CHODL: variants seen among roughly 807,000 people sequenced by gnomAD.
The protein encoded by CHODL is transmembrane protein MT75.
Under a neutral mutation model 34.5 loss-of-function variants are expected in CHODL, and 29 were observed. That is an observed-to-expected ratio of 0.84 (90% confidence interval 0.63 to 1.15). The LOEUF (loss-of-function observed/expected upper bound fraction) is 1.15, where lower values mean the gene tolerates loss of function less well. Ranked by LOEUF, CHODL falls within the 50% of genes most tolerant of loss-of-function variation. The probability of loss-of-function intolerance (pLI) is 0.00; values close to 1 mark genes in which losing one functional copy is unlikely to be tolerated. For synonymous variants in CHODL, 125 were observed against 116.1 expected, an observed-to-expected ratio of 1.08 and a Z score of -0.49; for missense variants, 332 against 332.5, an observed-to-expected ratio of 1.00 and a Z score of 0.01.
At chr21:18,088,513 G>GCACT (rs1326677296) in intron 2 of CHODL, among the ~76,000 whole-genome samples, 1 of 152,136 alleles carries the variant, frequency 6.6e-6, no homozygotes, top group African/African-American at 2.4e-5. Context: ...CAGACCCAGT[G>GCACT]GGTCAAGGGT....
At chr21:18,265,296 C>T (rs1252918832) in intron 5 of CHODL, among the ~76,000 whole-genome samples, 6 of 140,390 alleles carry the variant, frequency 4.3e-5, no homozygotes, top group African/African-American at 1.7e-4. Flanking sequence ...TATACACACA[C>T]ACACACACAC....
rs1417400641 is a variant in CHODL at position 18,266,529 on chromosome 21, G to T, written c.*491G>T. 1 of 157,722 alleles carries T rather than the reference G, an allele frequency of 6.3e-6. No individual in the cohort carries two copies. Among genetic ancestry groups the T allele is most frequent in the Non-Finnish European group, 1.4e-5 (1 of 72,922 alleles). The allele number at this position is 157,722 out of a possible 1,614,324, so 9.8% of individuals were successfully genotyped here. ...TTCAATACATGCTCTTTTGATTAAA[G>T]AAACTTATTACTGTTGTCAACTGAA... On this transcript the variant is annotated 3_prime_UTR_variant, in exon 6 of 6. Coordinates refer to ENST00000299295, the MANE Select transcript of CHODL (RefSeq NM_024944.3).
intron 1 of CHODL, among the ~76,000 whole-genome samples, chr21:17,934,599 T>A (rs933558626): frequency 1.3e-5 from 2 of 152,176 alleles, no homozygotes; most frequent in Non-Finnish European, 2.9e-5. Context: ...TTATTTTTGC[T>A]TTTCCAACTG....
chr21:18,257,993 C>A (rs1031338790), intron 3 of CHODL, among the ~76,000 whole-genome samples: 1 of 152,106 alleles, frequency 6.6e-6, no homozygotes. Flanking sequence ...CATTTTAACT[C>A]TTCTGAAGAG....
At chr21:17,921,439 G>A (rs1414674923) in intron 1 of CHODL, among the ~76,000 whole-genome samples, 1 of 152,198 alleles carries the variant, frequency 6.6e-6, no homozygotes, top group Admixed American at 6.5e-5. Context: ...CTTATAGGCA[G>A]GGGGTCTAAC....
intron 2 of CHODL, among the ~76,000 whole-genome samples, chr21:18,093,970 A>C (rs970395070): frequency 1.3e-5 from 2 of 152,162 alleles, no homozygotes; most frequent in African/African-American, 4.8e-5. Flanking sequence ...ATCTATGCTT[A>C]CAGGAAACAC....
intron 2 of CHODL, among the ~76,000 whole-genome samples, chr21:18,091,770 GA>G (rs1262883321): frequency 6.6e-6 from 1 of 152,166 alleles, no homozygotes; most frequent in Admixed American, 6.5e-5. Context: ...GCTGATGAAA[GA>G]GCCCTTGGGC....
intron 2 of CHODL, among the ~76,000 whole-genome samples, chr21:18,073,306 C>T (rs2064827768): frequency 1.3e-5 from 2 of 152,052 alleles, no homozygotes; most frequent in East Asian, 1.9e-4. Flanking sequence ...AAATGACATC[C>T]ATAAGGTGAA....
intron 1 of CHODL, among the ~76,000 whole-genome samples, chr21:17,933,377 G>C (rs1344249453): frequency 1.3e-5 from 2 of 152,232 alleles, no homozygotes; most frequent in Non-Finnish European, 2.9e-5. Flanking sequence ...CCTAGGCAGA[G>C]GTCCCTGCGG....
intron 1 of CHODL, among the ~76,000 whole-genome samples, chr21:18,002,933 C>T (rs939665742): frequency 1.3e-5 from 2 of 151,994 alleles, no homozygotes; most frequent in African/African-American, 4.8e-5. Context: ...ACCATCCGGG[C>T]TAACACGGTG....
chr21:17,989,926 G>C (rs1230296744), intron 1 of CHODL, among the ~76,000 whole-genome samples: 1 of 152,106 alleles, frequency 6.6e-6, no homozygotes, highest in East Asian at 1.9e-4. Flanking sequence ...CATAACAAGA[G>C]ACAGAGCTTC....
intron 1 of CHODL, among the ~76,000 whole-genome samples, chr21:17,934,752 A>C (rs1568805250): frequency 6.6e-6 from 1 of 151,984 alleles, no homozygotes; most frequent in African/African-American, 2.4e-5. Flanking sequence ...TAAATATCTT[A>C]TTTTTTATTA....
At chr21:18,095,296 A>T (rs1166303637) in intron 2 of CHODL, among the ~76,000 whole-genome samples, 2 of 152,162 alleles carry the variant, frequency 1.3e-5, no homozygotes, top group African/African-American at 4.8e-5. Context: ...AGATCCAAAT[A>T]TATAAAATCA....
Position 18,266,227 on chromosome 21 carries a change from T to C in CHODL, c.*189T>C. ...TCATTTAAAGAATATGCTGTGCTAA[T>C]AATGGAGTGAGACATGCTTATTTTG... is the stretch of plus-strand genomic sequence containing the variant. On this transcript the variant is annotated 3_prime_UTR_variant, in exon 6 of 6. Transcript: ENST00000299295. 6.6e-6 allele frequency: 10 copies of C among 1,508,236 alleles called. No homozygotes were observed. Among genetic ancestry groups the C allele is most frequent in the Non-Finnish European group, 8.9e-6 (10 of 1,127,662 alleles). The allele number at this position is 1,508,236 out of a possible 1,614,324, so 93.4% of individuals were successfully genotyped here.
Position 18,061,920 on chromosome 21 carries a change from T to C in CHODL, c.-45+33949T>C, listed in dbSNP as rs116075451. ...ATGAAAATGACAAAGATACAGTGTT[T>C]TGCAGAAAATAGTCATCAAAAAGTC... On this transcript the variant is annotated intron_variant, in intron 2 of 6. Coordinates refer to the CHODL transcript ENST00000400127. Among the ~76,000 whole-genome samples, 586 of 152,316 alleles carry C rather than the reference T, an allele frequency of 3.8e-3. 5 individuals are homozygous for C. The highest frequency in any genetic ancestry group is 0.013 in the African/African-American group (559 of 41,572).
chr21:17,970,417 GA>G (rs2063605396), intron 1 of CHODL, among the ~76,000 whole-genome samples: 1 of 152,088 alleles, frequency 6.6e-6, no homozygotes, highest in African/African-American at 2.4e-5. Flanking sequence ...CTGTAATAAG[GA>G]AGGTGTTTGG....
chr21:18,003,015 C>T (rs1291983951), intron 1 of CHODL, among the ~76,000 whole-genome samples: 2 of 150,996 alleles, frequency 1.3e-5, no homozygotes, highest in East Asian at 2.0e-4. Context: ...CCCAGCTACT[C>T]GGGAGGCTGA....
At chr21:17,928,644 C>T (rs1181727639) in intron 1 of CHODL, among the ~76,000 whole-genome samples, 1 of 152,070 alleles carries the variant, frequency 6.6e-6, no homozygotes. Flanking sequence ...AAGATGAATT[C>T]TATAACATTA....
intron 2 of CHODL, among the ~76,000 whole-genome samples, chr21:18,130,298 G>T (rs1219182956): frequency 6.6e-6 from 1 of 152,178 alleles, no homozygotes; most frequent in Non-Finnish European, 1.5e-5. Flanking sequence ...CAAATAAGAA[G>T]TGCTCAATGA....
Sources: gnomAD v4.1 joint callset for allele counts (sites outside exome capture counted in the v4.1 genomes callset) on GRCh38, gnomAD v4.1.1 for gene constraint, MANE v1.5 for transcripts, NCBI Gene and HGNC (gene_info 2026-07-23, HGNC 2026-07-21) for gene names.